Variants in RAB27B observed in about 807,000 individuals in gnomAD.
RAB27B encodes the protein RAB27B, member RAS oncogene family, also known as ras-related protein Rab-27B.
RAB27B carries 15 observed loss-of-function variants against 24.6 expected under a neutral mutation model. The observed-to-expected ratio is 0.61, with a 90% CI of 0.41 to 0.94. The LOEUF is 0.94. Ranked by LOEUF, RAB27B falls within the 40% of genes least tolerant of loss-of-function variation. The pLI, the probability that RAB27B is intolerant of heterozygous loss-of-function variation, is 0.00. For synonymous variants in RAB27B, 105 were observed against 92.5 expected (o/e 1.14, Z -0.78); for missense variants, 261 against 266.8 (o/e 0.98, Z 0.15).
chr18:54,790,440 T>G (rs961180580), intron 2 of RAB27B, among the ~76,000 whole-genome samples: 3 of 152,178 alleles, frequency 2.0e-5, no homozygotes, highest in Non-Finnish European at 4.4e-5. Flanking sequence ...TTTTGAAGGT[T>G]GACTACATAA....
At chr18:54,848,837 C>T (rs2145213912) in intron 1 of RAB27B, among the ~76,000 whole-genome samples, 1 of 152,150 alleles carries the variant, frequency 6.6e-6, no homozygotes, top group Middle Eastern at 3.4e-3. Context: ...TAATTACTTG[C>T]TGCTTTTAGA....
chr18:54,889,930 G>A lies in RAB27B; in HGVS notation c.*517G>A, dbSNP rs1913301695. Reference sequence around the variant, plus strand: ...TGGCTAATTAAGAATGATATACTATGTACACCCAATAAGCTGTACTAGAAT... The same window carrying A: ...TGGCTAATTAAGAATGATATACTATATACACCCAATAAGCTGTACTAGAAT... On this transcript the variant is annotated 3_prime_UTR_variant, in exon 6 of 6. Transcript: ENST00000262094. 1 of 152,610 alleles carries A rather than the reference G, an allele frequency of 6.6e-6. No homozygotes were observed. Among genetic ancestry groups the A allele is most frequent in the South Asian group, 2.1e-4 (1 of 4,848 alleles). 9.5% of individuals were successfully genotyped at this position (152,610 alleles called of 1,614,324 possible).
chr18:54,791,660 T>C (rs1909250429), intron 2 of RAB27B, among the ~76,000 whole-genome samples: 1 of 152,126 alleles, frequency 6.6e-6, no homozygotes, highest in African/African-American at 2.4e-5. Context: ...CGCGCAAATA[T>C]TGCATTTTCC....
At chr18:54,861,168 A>T (rs1911993508) in intron 1 of RAB27B, among the ~76,000 whole-genome samples, 1 of 152,190 alleles carries the variant, frequency 6.6e-6, no homozygotes, top group African/African-American at 2.4e-5. Flanking sequence ...AAAGCAGTGG[A>T]ACTTTGGCAC....
intron 5 of RAB27B, among the ~76,000 whole-genome samples, 165 bp from the exon 6 acceptor site, chr18:54,889,059 T>A (rs764103397): frequency 5.3e-5 from 8 of 152,112 alleles, no homozygotes; most frequent in African/African-American, 7.2e-5. Context: ...CAATTTTTAC[T>A]CACTGAGGAA....
chr18:54,820,744 T>C (rs972758869), intron 2 of RAB27B, among the ~76,000 whole-genome samples: 2 of 152,206 alleles, frequency 1.3e-5, no homozygotes, highest in Non-Finnish European at 2.9e-5. Context: ...GTTTTTATGG[T>C]TTCAATTCTA....
chr18:54,730,358 G>A (rs924359797), intron 2 of RAB27B, among the ~76,000 whole-genome samples: 13 of 152,280 alleles, frequency 8.5e-5, no homozygotes, highest in East Asian at 1.9e-4. Flanking sequence ...TGCGCCTTCC[G>A]ACAAATGCAT....
At chr18:54,884,459 C>G in intron 4 of RAB27B, 23 bp downstream of exon 4, 1 of 1,506,462 alleles carries the variant, frequency 6.6e-7, no homozygotes, top group East Asian at 2.3e-5. Context: ...GAGTAATGTG[C>G]ATTGGCCGCT....
intron 1 of RAB27B, among the ~76,000 whole-genome samples, chr18:54,876,425 G>C (rs987813131): frequency 6.6e-6 from 1 of 152,158 alleles, no homozygotes; most frequent in Non-Finnish European, 1.5e-5. Flanking sequence ...TTCAGAGGTG[G>C]AGAAGTCTTC....
chr18:54,724,644 G>A (rs1909472798), intron 2 of RAB27B, among the ~76,000 whole-genome samples: 1 of 149,076 alleles, frequency 6.7e-6, no homozygotes, highest in African/African-American at 2.5e-5. Context: ...AGGTTGCAGT[G>A]AGCCGAGATC....
chr18:54,868,603 C>CGTTGTTGTTGTT (rs9319919), intron 1 of RAB27B, among the ~76,000 whole-genome samples: 4,092 of 151,020 alleles, frequency 0.027, 87 homozygotes, highest in South Asian at 0.072. Context: ...CTCTCAGTTT[C>CGTTGTTGTTGTT]GTTGTTGTTG....
chr18:54,879,227 G>GA (rs1398565946), intron 2 of RAB27B, 142 bp from the exon 3 acceptor site: 4 of 650,850 alleles, frequency 6.1e-6, no homozygotes, highest in African/African-American at 3.7e-5. Context: ...GATAATTCTG[G>GA]AAAAAAATAA....
intron 2 of RAB27B, among the ~76,000 whole-genome samples, chr18:54,768,652 G>A (rs539348642): frequency 8.2e-4 from 125 of 152,214 alleles, no homozygotes; most frequent in African/African-American, 2.8e-3. Context: ...AATTTATCAA[G>A]GAAAGAGGTT....
intron 2 of RAB27B, among the ~76,000 whole-genome samples, chr18:54,793,156 G>A (rs918996345): frequency 7.9e-5 from 12 of 151,312 alleles, no homozygotes; most frequent in African/African-American, 2.7e-4. Flanking sequence ...ATTATTATGT[G>A]AAAATTGAGA....
At chr18:54,864,136 A>AGGAG (rs139550200) in intron 1 of RAB27B, among the ~76,000 whole-genome samples, 4,731 of 152,278 alleles carry the variant, frequency 0.031, 247 homozygotes, top group African/African-American at 0.11. Context: ...CCAGCAATAT[A>AGGAG]GGAGGGTTGC....
chr18:54,849,315 G>C (rs1450515209), intron 1 of RAB27B, among the ~76,000 whole-genome samples: 3 of 152,180 alleles, frequency 2.0e-5, no homozygotes, highest in Non-Finnish European at 4.4e-5. Flanking sequence ...CTAGCTTTTA[G>C]TCAACTGTTT....
intron 1 of RAB27B, among the ~76,000 whole-genome samples, chr18:54,875,072 C>T (rs558041179): frequency 5.8e-4 from 89 of 152,262 alleles, no homozygotes; most frequent in African/African-American, 2.0e-3. Flanking sequence ...TCTGTAATCC[C>T]AGCACTTTCG....
intron 2 of RAB27B, among the ~76,000 whole-genome samples, chr18:54,763,843 A>G (rs1292347455): frequency 1.3e-5 from 2 of 152,148 alleles, no homozygotes; most frequent in Non-Finnish European, 2.9e-5. Context: ...AGAAAATGGC[A>G]AATCGGATGA....
At chr18:54,775,887 G>C (rs1182798649) in intron 2 of RAB27B, among the ~76,000 whole-genome samples, 2 of 152,198 alleles carry the variant, frequency 1.3e-5, no homozygotes, top group African/African-American at 4.8e-5. Flanking sequence ...CACCTACTGG[G>C]CGTCTAGGTG....
Sources: allele counts gnomAD v4.1 joint callset (sites outside exome capture counted in the v4.1 genomes callset), GRCh38; gene constraint gnomAD v4.1.1; transcripts MANE v1.5; gene names NCBI Gene and HGNC (gene_info 2026-07-23, HGNC 2026-07-21).